The following ADK variants were observed in gnomAD, a reference collection of about 807,000 sequenced individuals.
ADK encodes adenosine kinase.
A neutral mutation model predicts 44.7 loss-of-function variants in ADK; 24 were observed. The observed-to-expected ratio is 0.54, with a 90% CI of 0.39 to 0.76. The LOEUF is 0.76. Ranked by LOEUF, ADK falls within the 30% of genes least tolerant of loss-of-function variation. The probability of loss-of-function intolerance (pLI) is 0.00; values close to 1 mark genes in which losing one functional copy is unlikely to be tolerated. For synonymous variants in ADK, 128 were observed against 142.6 expected (o/e 0.90, Z 0.73); for missense variants, 321 against 425.1 (o/e 0.76, Z 2.15).
intron 2 of ADK, among the ~76,000 whole-genome samples, chr10:74,214,955 A>G (rs1322785003): frequency 2.6e-5 from 4 of 152,214 alleles, no homozygotes; most frequent in African/African-American, 9.6e-5. Context: ...AAAACAAGTT[A>G]ATGTCAGAAT....
rs1375192485 is a variant in ADK, at chr10:74,201,676, G to GTATGTATC, written c.140+841_140+842insGTATCTAT. On this transcript the variant is annotated intron_variant, in intron 2 of 10. Transcript: ENST00000539909. ...TGTATGTATGTATGTATGTATGTAT[G>GTATGTATC]TATCTATCTATCTATCTATCTATCT... 2.3e-3 allele frequency among the ~76,000 whole-genome samples: 270 copies of GTATGTATC among 117,512 alleles called. 2 individuals are homozygous for GTATGTATC. Among genetic ancestry groups the GTATGTATC allele is most frequent in the African/African-American group, 7.6e-3 (237 of 31,020 alleles). The allele number at this position is 117,512 out of a possible 152,430, so 77.1% of individuals were successfully genotyped here. A position where few individuals can be genotyped will look rare whatever the true frequency, so the allele number is the denominator to read the frequency against.
chr10:74,433,844 T>G (rs991721434), intron 6 of ADK, among the ~76,000 whole-genome samples: 1 of 152,172 alleles, frequency 6.6e-6, no homozygotes, highest in Admixed American at 6.5e-5. Context: ...AGGGAATTAC[T>G]ATGATCAAAA....
At chr10:74,258,920 T>C (rs186383955) in intron 3 of ADK, among the ~76,000 whole-genome samples, 1 of 151,162 alleles carries the variant, frequency 6.6e-6, no homozygotes, top group Non-Finnish European at 1.5e-5. Flanking sequence ...AGTGAATATC[T>C]TTTTTGTTGT....
chr10:74,692,280 A>G (rs1589374086), intron 10 of ADK, among the ~76,000 whole-genome samples: 1 of 152,096 alleles, frequency 6.6e-6, no homozygotes, highest in South Asian at 2.1e-4. Flanking sequence ...GGAGTTCAAG[A>G]CCAGCCTGGC....
intron 9 of ADK, among the ~76,000 whole-genome samples, 167 bp from the exon 10 acceptor site, chr10:74,670,016 G>A (rs1441160189): frequency 1.3e-5 from 2 of 152,218 alleles, no homozygotes; most frequent in African/African-American, 4.8e-5. Context: ...ATTACTTGCA[G>A]ATGATTTTGC....
At chr10:74,234,635 T>C (rs1844893702) in intron 3 of ADK, among the ~76,000 whole-genome samples, 1 of 152,182 alleles carries the variant, frequency 6.6e-6, no homozygotes, top group African/African-American at 2.4e-5. Flanking sequence ...TTGAGTTGGC[T>C]AATTGTTAAG....
intron 7 of ADK, among the ~76,000 whole-genome samples, chr10:74,577,033 A>C (rs1370972727): frequency 1.3e-5 from 2 of 151,946 alleles, no homozygotes; most frequent in African/African-American, 4.8e-5. Flanking sequence ...TTTTCCATAT[A>C]GCAGTGGTAC....
chr10:74,328,172 G>A (rs1841085000), intron 4 of ADK, among the ~76,000 whole-genome samples: 1 of 152,200 alleles, frequency 6.6e-6, no homozygotes, highest in Admixed American at 6.5e-5. Context: ...GCCTCCCGAA[G>A]TGCTGGGATT....
rs753608115 is a variant in ADK, at chr10:74,398,487, C to T, written c.463C>T (p.Leu155Phe). The T allele has an allele frequency of 6.2e-7, 1 of 1,610,926 alleles. No individual in the cohort carries two copies. Among genetic ancestry groups the T allele is most frequent in the Non-Finnish European group, 8.5e-7 (1 of 1,177,924 alleles). ...TTGTTTTAGGTCCCTCATAGCTAAT[C>T]TTGCTGCTGCCAATTGTTATAAAAA... The part of the protein sequence containing the change: ...TGDNRSLIAN[L>F]AAANCYKKEK... Residue 155 changes from leucine to phenylalanine, a missense_variant, in exon 6 of 11, where the codon CTT (leucine) becomes TTT (phenylalanine). Transcript: ENST00000539909.
At chr10:74,379,892 C>T (rs1842926529) in intron 4 of ADK, among the ~76,000 whole-genome samples, 1 of 151,962 alleles carries the variant, frequency 6.6e-6, no homozygotes. Context: ...GGTTTGATGG[C>T]TTGCACATGT....
At chr10:74,268,016 A>G (rs1371715884) in intron 3 of ADK, among the ~76,000 whole-genome samples, 1 of 152,076 alleles carries the variant, frequency 6.6e-6, no homozygotes, top group African/African-American at 2.4e-5. Context: ...TTCTTTAAGG[A>G]AGTCATCTTA....
intron 1 of ADK, among the ~76,000 whole-genome samples, chr10:74,171,764 ACTCT>A (rs141563705): frequency 8.4e-4 from 126 of 149,692 alleles, no homozygotes; most frequent in African/African-American, 2.8e-3. Flanking sequence ...GTTACTCAGT[ACTCT>A]CTCTCTCAGC....
chr10:74,603,245 T>C (rs1852202481), intron 9 of ADK, among the ~76,000 whole-genome samples: 1 of 152,086 alleles, frequency 6.6e-6, no homozygotes, highest in Admixed American at 6.6e-5. Flanking sequence ...TTAGGAATCA[T>C]TGTGCCTTAA....
chr10:74,394,842 C>T (rs941710475), intron 5 of ADK, among the ~76,000 whole-genome samples: 2 of 152,106 alleles, frequency 1.3e-5, no homozygotes, highest in South Asian at 2.1e-4. Context: ...TAAACTCAGT[C>T]GTGGGTAGTA....
At chr10:74,485,552 G>T (rs1484955197) in intron 6 of ADK, among the ~76,000 whole-genome samples, 1 of 151,764 alleles carries the variant, frequency 6.6e-6, no homozygotes, top group Non-Finnish European at 1.5e-5. Flanking sequence ...CCACAATGAG[G>T]TATCATTTTA....
intron 9 of ADK, among the ~76,000 whole-genome samples, chr10:74,623,091 A>T (rs1853057903): frequency 6.6e-6 from 1 of 152,182 alleles, no homozygotes. Flanking sequence ...ATGTTAACTC[A>T]TTGGCTTACA....
intron 1 of ADK, among the ~76,000 whole-genome samples, chr10:74,182,682 C>G (rs1385543640): frequency 6.6e-6 from 1 of 152,094 alleles, no homozygotes; most frequent in Non-Finnish European, 1.5e-5. Flanking sequence ...TTATGTGCAA[C>G]GTTGTCAGCT....
At chr10:74,332,020 A>AT (rs985839555) in intron 4 of ADK, among the ~76,000 whole-genome samples, 4 of 150,590 alleles carry the variant, frequency 2.7e-5, no homozygotes, top group East Asian at 2.0e-4. Context: ...TGCCCAACAA[A>AT]TTTTTTTTTG....
chr10:74,457,282 A>T (rs1199061960), intron 6 of ADK, among the ~76,000 whole-genome samples: 1 of 152,224 alleles, frequency 6.6e-6, no homozygotes, highest in Non-Finnish European at 1.5e-5. Flanking sequence ...CTAAACCAGG[A>T]GGAAGTGAAT....
Sources: gnomAD v4.1 joint callset for allele counts (sites outside exome capture counted in the v4.1 genomes callset) on GRCh38, gnomAD v4.1.1 for gene constraint, MANE v1.5 for transcripts, NCBI Gene and HGNC (gene_info 2026-07-23, HGNC 2026-07-21) for gene names.